Variants in PGM5 observed in about 807,000 individuals in gnomAD.
PGM5 encodes the protein phosphoglucomutase 5.
PGM5 carries 23 observed loss-of-function variants against 59.2 expected under a neutral mutation model. That is an observed-to-expected ratio of 0.39 (90% CI 0.28 to 0.55). PGM5 has a LOEUF of 0.55. Among genes scored for constraint, PGM5 ranks in the 20% least tolerant of loss-of-function variants. The pLI is 0.66. For synonymous variants in PGM5, 214 were observed against 286.0 expected (o/e 0.75, Z 2.54); for missense variants, 574 against 748.3 (o/e 0.77, Z 2.72).
chr9:68,500,542 G>A (rs1222033941), intron 10 of PGM5, among the ~76,000 whole-genome samples: 1 of 152,074 alleles, frequency 6.6e-6, no homozygotes, highest in African/African-American at 2.4e-5. Context: ...TTCCTCTCAG[G>A]ATCATAGCCT....
intron 8 of PGM5, 120 bp downstream of exon 8, chr9:68,479,673 G>T (rs1003653658): frequency 3.2e-6 from 3 of 945,072 alleles, no homozygotes; most frequent in Non-Finnish European, 4.6e-6. Context: ...GGTGGCTCAC[G>T]CCTGTAATCC....
intron 1 of PGM5, among the ~76,000 whole-genome samples, chr9:68,375,831 C>T (rs1325062663): frequency 2.0e-5 from 3 of 152,192 alleles, no homozygotes; most frequent in Non-Finnish European, 2.9e-5. Flanking sequence ...CTCTGATTAG[C>T]TTACATTGAA....
intron 6 of PGM5, among the ~76,000 whole-genome samples, chr9:68,457,405 T>C (rs183980822): frequency 6.6e-6 from 1 of 152,320 alleles, no homozygotes; most frequent in East Asian, 1.9e-4. Context: ...GCCATTGTAT[T>C]TCAGTGGATA....
Position 68,376,765 on chromosome 9 carries a change from ATTTCTTTCTTTCTTTCTTTCTTTC to A in PGM5, c.262-1388_262-1365del, listed in dbSNP as rs71353048. On this transcript the variant is annotated intron_variant, in intron 1 of 10. Coordinates refer to ENST00000396396, the MANE Select transcript of PGM5 (RefSeq NM_021965.4). ...CCTTGGGTGGGCCTTGAGGTTCTGCATTTCTTTCTTTCTTTCTTTCTTTCTTTCTTTCTTTCTTTCTTTCTTTCT... is the reference window on the plus strand; with the variant it reads ...CCTTGGGTGGGCCTTGAGGTTCTGCATTTCTTTCTTTCTTTCTTTCTTTCT... Among the ~76,000 whole-genome samples, 233 of 96,796 alleles carry A rather than the reference ATTTCTTTCTTTCTTTCTTTCTTTC, an allele frequency of 2.4e-3. 3 individuals are homozygous for A. Among genetic ancestry groups the A allele is most frequent in the South Asian group, 7.5e-3 (21 of 2,804 alleles). The allele number at this position is 96,796 out of a possible 152,430, so 63.5% of individuals were successfully genotyped here. A position where few individuals can be genotyped will look rare whatever the true frequency, so the allele number is the denominator to read the frequency against.
At chr9:68,468,691 G>C (rs1228039823) in intron 7 of PGM5, among the ~76,000 whole-genome samples, 12 of 151,976 alleles carry the variant, frequency 7.9e-5, no homozygotes, top group African/African-American at 2.9e-4. Context: ...TGTTCTAATT[G>C]GTTCTAAAAG....
chr9:68,421,632 A>G (rs538472666), intron 6 of PGM5, among the ~76,000 whole-genome samples: 1 of 152,052 alleles, frequency 6.6e-6, no homozygotes, highest in Non-Finnish European at 1.5e-5. Flanking sequence ...CAGGAGAATC[A>G]CTTGAACCCG....
chr9:68,359,703 A>T (rs1834542213), intron 1 of PGM5, among the ~76,000 whole-genome samples: 2 of 152,230 alleles, frequency 1.3e-5, no homozygotes, highest in Non-Finnish European at 2.9e-5. Context: ...GGATACTCAT[A>T]AGCAGGCTAG....
intron 6 of PGM5, among the ~76,000 whole-genome samples, chr9:68,417,853 T>C (rs946720791): frequency 6.7e-6 from 1 of 150,042 alleles, no homozygotes; most frequent in African/African-American, 2.5e-5. Flanking sequence ...AGTTGGACCA[T>C]GTCTCTCCCC....
intron 6 of PGM5, among the ~76,000 whole-genome samples, chr9:68,408,733 T>A (rs1455455568): frequency 6.6e-6 from 1 of 152,200 alleles, no homozygotes; most frequent in Admixed American, 6.5e-5. Context: ...CTTTAATCCA[T>A]CTTGAATTGA....
chr9:68,361,859 A>G (rs1237585199), intron 1 of PGM5, among the ~76,000 whole-genome samples: 1 of 152,206 alleles, frequency 6.6e-6, no homozygotes, highest in East Asian at 1.9e-4. Context: ...TTCATAGGCA[A>G]TAATGTGTAT....
At chr9:68,455,452 A>G (rs1823759353) in intron 6 of PGM5, among the ~76,000 whole-genome samples, 1 of 152,068 alleles carries the variant, frequency 6.6e-6, no homozygotes, top group Non-Finnish European at 1.5e-5. Flanking sequence ...TTAGCAGGAG[A>G]AAAGGAAGGG....
At chr9:68,376,819 T>TTC (rs1351841144) in intron 1 of PGM5, among the ~76,000 whole-genome samples, 2,807 of 90,716 alleles carry the variant, frequency 0.031, 125 homozygotes, top group African/African-American at 0.047. Context: ...CTTTCTTTCT[T>TTC]TCTTTCTTTC....
intron 6 of PGM5, among the ~76,000 whole-genome samples, chr9:68,434,508 G>A (rs1243791328): frequency 6.6e-6 from 1 of 151,824 alleles, no homozygotes; most frequent in Non-Finnish European, 1.5e-5. Context: ...GAAACCTGGT[G>A]TTAAAATTGT....
chr9:68,463,028 G>A (rs544031075), intron 6 of PGM5, among the ~76,000 whole-genome samples: 4 of 152,064 alleles, frequency 2.6e-5, no homozygotes, highest in Admixed American at 1.3e-4. Flanking sequence ...GAGAGAAGAC[G>A]GAATATTTGA....
intron 6 of PGM5, among the ~76,000 whole-genome samples, chr9:68,439,093 T>G (rs1564005956): frequency 6.6e-6 from 1 of 152,100 alleles, no homozygotes; most frequent in Non-Finnish European, 1.5e-5. Context: ...CTGAGCATGG[T>G]GGCTCATGCC....
intron 7 of PGM5, 152 bp from the exon 8 acceptor site, chr9:68,479,266 A>C (rs1824151893): frequency 1.7e-6 from 1 of 583,212 alleles, no homozygotes; most frequent in Admixed American, 3.3e-5. Flanking sequence ...TCAGAAATGC[A>C]AATGTATTAG....
At chr9:68,528,917 G>A in intron 10 of PGM5, among the ~76,000 whole-genome samples, 1 of 152,134 alleles carries the variant, frequency 6.6e-6, no homozygotes, top group South Asian at 2.1e-4. Context: ...CAATAAGAAA[G>A]AAATGAGTCT....
intron 6 of PGM5, among the ~76,000 whole-genome samples, chr9:68,404,335 G>C (rs1456027582): frequency 6.6e-6 from 1 of 152,108 alleles, no homozygotes; most frequent in East Asian, 1.9e-4. Flanking sequence ...TGCCATGTTG[G>C]CCAGGCTGGT....
intron 6 of PGM5, among the ~76,000 whole-genome samples, chr9:68,423,607 GAA>G (rs1823182257): frequency 6.6e-6 from 1 of 150,908 alleles, no homozygotes; most frequent in Admixed American, 6.6e-5. Context: ...CAGCCTTTGG[GAA>G]ATAACCCCAA....
Sources: allele counts gnomAD v4.1 joint callset (sites outside exome capture counted in the v4.1 genomes callset), GRCh38; gene constraint gnomAD v4.1.1; transcripts MANE v1.5; gene names NCBI Gene and HGNC (gene_info 2026-07-23, HGNC 2026-07-21).